Variants in STAG1 observed in about 807,000 individuals in gnomAD.
STAG1 encodes cohesin subunit SA-1.
A neutral mutation model predicts 170.9 loss-of-function variants in STAG1; 26 were observed. The ratio of observed to expected loss-of-function variants is 0.15; its 90% CI spans 0.11 to 0.21. STAG1 has a LOEUF of 0.21. Ranked by LOEUF, STAG1 falls within the 10% of genes least tolerant of loss-of-function variation. STAG1 has a pLI of 1.00. For missense variants in STAG1, 964 were observed against 1,509.5 expected, an observed-to-expected ratio of 0.64 and a Z score of 5.99; for synonymous variants, 514 against 497.7, an observed-to-expected ratio of 1.03 and a Z score of -0.44.
intron 13 of STAG1, among the ~76,000 whole-genome samples, chr3:136,462,253 T>C (rs1420549910): frequency 1.3e-5 from 2 of 152,210 alleles, no homozygotes; most frequent in Admixed American, 6.5e-5. Flanking sequence ...CCATGTTTAC[T>C]ACAGCACTAT....
At position 136,377,280 on chromosome 3, in the gene STAG1, G is replaced by A. The variant is rs577484036; in HGVS notation, c.2370+380C>T. ...CGGGTGCCTGTAGTCCCAGCTACTC[G>A]GGAGGCTGAGGCAGGAGAATGGCGT... On this transcript the variant is annotated intron_variant, in intron 23 of 33. Coordinates refer to ENST00000383202, the MANE Select transcript of STAG1 (RefSeq NM_005862.3). Among the ~76,000 whole-genome samples the A allele has an allele frequency of 2.3e-4, 33 of 145,942 alleles. No homozygotes were observed. In the East Asian group the frequency reaches 5.3e-3, roughly 24 times the overall value.
intron 4 of STAG1, among the ~76,000 whole-genome samples, chr3:136,588,756 G>GT (rs561283750): frequency 3.4e-4 from 52 of 151,344 alleles, no homozygotes; most frequent in Admixed American, 7.2e-4. Context: ...CCTATTTTCT[G>GT]TTTTTTTTGT....
At chr3:136,447,322 T>G (rs66637842) in intron 14 of STAG1, among the ~76,000 whole-genome samples, 25,955 of 151,224 alleles carry the variant, frequency 0.17, 3,736 homozygotes, top group African/African-American at 0.4. Context: ...ATACAAAAAT[T>G]GCTGGGTGTG....
chr3:136,351,720 C>T (rs148842399), intron 28 of STAG1, among the ~76,000 whole-genome samples: 50 of 152,248 alleles, frequency 3.3e-4, no homozygotes, highest in South Asian at 1.7e-3. Flanking sequence ...AGACTGCACA[C>T]CCAAGGCTGC....
intron 6 of STAG1, among the ~76,000 whole-genome samples, chr3:136,527,045 T>C (rs1935071236): frequency 6.6e-6 from 1 of 152,198 alleles, no homozygotes; most frequent in Non-Finnish European, 1.5e-5. Context: ...TCATTTCAAC[T>C]TCGGTGAATC....
intron 4 of STAG1, among the ~76,000 whole-genome samples, chr3:136,579,396 T>A (rs560222700): frequency 1.7e-5 from 1 of 60,144 alleles, no homozygotes; most frequent in Non-Finnish European, 3.3e-5. Context: ...CACAGCTCAG[T>A]TGAATCCTCT....
Position 136,399,831 on chromosome 3 carries a change from A to G in STAG1, c.2197-1002T>C, listed in dbSNP as rs184362365. On this transcript the variant is annotated intron_variant, in intron 21 of 33. Transcript: ENST00000383202. ...TTATATCTCTCAATACTATCATATT[A>G]GAAACTAAAACTAAGAAATGTTTAT... 3.9e-5 allele frequency among the ~76,000 whole-genome samples: 6 copies of G among 152,360 alleles called. No individual in the cohort carries two copies. The East Asian group carries it at 1.2e-3, about 29-fold the overall frequency.
At chr3:136,749,920 A>T (rs1050943739) in intron 1 of STAG1, among the ~76,000 whole-genome samples, 2 of 110,728 alleles carry the variant, frequency 1.8e-5, no homozygotes, top group Non-Finnish European at 4.8e-5. Flanking sequence ...AAAAAAAAAA[A>T]GAAAGAAACT....
chr3:136,496,047 G>C (rs1488768051), intron 9 of STAG1, among the ~76,000 whole-genome samples: 2 of 151,896 alleles, frequency 1.3e-5, no homozygotes, highest in Non-Finnish European at 2.9e-5. Flanking sequence ...GGGAGGCTGA[G>C]GCAGGAGAAC....
chr3:136,568,741 A>G, intron 5 of STAG1, 24 bp downstream of exon 5: 2 of 1,562,298 alleles, frequency 1.3e-6, no homozygotes, highest in Non-Finnish European at 1.8e-6. Context: ...CTCAATGTAC[A>G]TCATTTATTT....
chr3:136,690,070 A>G (rs1276893214), intron 1 of STAG1, among the ~76,000 whole-genome samples: 1 of 151,074 alleles, frequency 6.6e-6, no homozygotes, highest in East Asian at 1.9e-4. Context: ...AAAAAAAAAA[A>G]AAAAAAAAAG....
At chr3:136,745,957 G>C (rs1289393237) in intron 1 of STAG1, among the ~76,000 whole-genome samples, 3 of 152,014 alleles carry the variant, frequency 2.0e-5, no homozygotes, top group Non-Finnish European at 4.4e-5. Flanking sequence ...GCTTGATTTA[G>C]AAAAGGAGGA....
intron 1 of STAG1, among the ~76,000 whole-genome samples, chr3:136,641,108 T>C (rs1940782363): frequency 6.6e-6 from 1 of 152,184 alleles, no homozygotes; most frequent in Admixed American, 6.5e-5. Flanking sequence ...ATAGAAGAGC[T>C]GTCTAAGAGT....
chr3:136,736,223 G>C (rs1016790500), intron 1 of STAG1, among the ~76,000 whole-genome samples: 10 of 152,206 alleles, frequency 6.6e-5, no homozygotes, highest in African/African-American at 2.2e-4. Context: ...CTGAGTTACA[G>C]GCTGTGGGAA....
intron 4 of STAG1, among the ~76,000 whole-genome samples, chr3:136,569,881 T>C (rs1171806574): frequency 6.6e-6 from 1 of 152,080 alleles, no homozygotes; most frequent in Non-Finnish European, 1.5e-5. Flanking sequence ...ATATTCTGAA[T>C]TTAAAAAAAG....
At chr3:136,634,400 T>TG (rs551019034) in intron 1 of STAG1, among the ~76,000 whole-genome samples, 101 of 151,476 alleles carry the variant, frequency 6.7e-4, no homozygotes, top group African/African-American at 2.1e-3. Context: ...CACCATATAA[T>TG]GGGGGGGTCC....
intron 29 of STAG1, among the ~76,000 whole-genome samples, chr3:136,346,249 G>C (rs1323029014): frequency 6.6e-6 from 1 of 152,160 alleles, no homozygotes; most frequent in South Asian, 2.1e-4. Flanking sequence ...GTAGTACTTA[G>C]CACAGTTCTT....
chr3:136,677,681 G>A (rs1467131701), intron 1 of STAG1, among the ~76,000 whole-genome samples: 1 of 151,910 alleles, frequency 6.6e-6, no homozygotes, highest in South Asian at 2.1e-4. Flanking sequence ...AATCTTTGCA[G>A]CAGAGTGAGC....
chr3:136,388,030 C>G (rs1207916066), intron 22 of STAG1, among the ~76,000 whole-genome samples: 1 of 152,180 alleles, frequency 6.6e-6, no homozygotes, highest in African/African-American at 2.4e-5. Context: ...TTTATGTATG[C>G]CCATGGCCTC....
Sources: allele counts gnomAD v4.1 joint callset (sites outside exome capture counted in the v4.1 genomes callset), GRCh38; gene constraint gnomAD v4.1.1; transcripts MANE v1.5; gene names NCBI Gene and HGNC (gene_info 2026-07-23, HGNC 2026-07-21).